ALK: variants seen among roughly 807,000 people sequenced by gnomAD.
The protein encoded by ALK is ALK tyrosine kinase receptor.
A neutral mutation model predicts 163.1 loss-of-function variants in ALK; 74 were observed. That is an observed-to-expected ratio of 0.45 (90% CI 0.38 to 0.55). ALK has a LOEUF of 0.55. Among genes scored for constraint, ALK ranks in the 20% least tolerant of loss-of-function variants. ALK has a pLI of 0.00. For missense variants in ALK, 2,063 were observed against 2,105.3 expected (o/e 0.98, Z 0.39); for synonymous variants, 960 against 843.2 (o/e 1.14, Z -2.40).
intron 4 of ALK, among the ~76,000 whole-genome samples, chr2:29,480,948 G>A (rs954938143): frequency 3.9e-5 from 6 of 152,160 alleles, no homozygotes; most frequent in African/African-American, 1.2e-4. Flanking sequence ...AGGCAATGCC[G>A]AGGTTGCTGG....
chr2:29,601,039 T>C (rs182532706), intron 3 of ALK, among the ~76,000 whole-genome samples: 70 of 152,328 alleles, frequency 4.6e-4, no homozygotes, highest in Middle Eastern at 3.4e-3. Flanking sequence ...GATTCCTTTC[T>C]GGAAGTCCAA....
intron 4 of ALK, among the ~76,000 whole-genome samples, chr2:29,495,489 G>A (rs1435714519): frequency 6.6e-6 from 1 of 152,064 alleles, no homozygotes; most frequent in East Asian, 1.9e-4. Context: ...GGCTAGTGAT[G>A]GTTACTAGCC....
At chr2:29,867,081 C>T (rs1452282819) in intron 1 of ALK, among the ~76,000 whole-genome samples, 1 of 152,158 alleles carries the variant, frequency 6.6e-6, no homozygotes, top group African/African-American at 2.4e-5. Flanking sequence ...AATATATTTA[C>T]ATAAAGAAAG....
chr2:29,901,013 GC>G (rs1317459808), intron 1 of ALK, among the ~76,000 whole-genome samples: 3 of 149,360 alleles, frequency 2.0e-5, no homozygotes, highest in African/African-American at 7.7e-5. Flanking sequence ...AAGCAAGCAA[GC>G]AAGCAAGCAA....
rs563126725 is a variant in ALK, at chr2:29,193,493, T to A, written c.4594A>T (p.Asn1532Tyr). ...IAKKEPHDRG[N>Y]LGLEGSCTVP... ...GTACAGCTTCCCTCCAGCCCCAGGT[T>A]ACCCCTGTCGTGTGGCTCCTTCTTT... Residue 1532 changes from asparagine to tyrosine, a missense_variant, in exon 29 of 29, where the codon AAC becomes TAC. By Grantham distance (143) the Asn-to-Tyr change is moderately radical. This residue lies in a region of ALK where 403 missense variants were observed against 366.2 expected (regional missense o/e 1.10). Transcript: ENST00000389048. 3 of 1,614,156 alleles carry A rather than the reference T, an allele frequency of 1.9e-6. No individual in the cohort carries two copies. Among genetic ancestry groups the A allele is most frequent in the Non-Finnish European group, 2.5e-6 (3 of 1,180,016 alleles).
chr2:29,579,647 C>A (rs1350434817), intron 3 of ALK, among the ~76,000 whole-genome samples: 1 of 152,142 alleles, frequency 6.6e-6, no homozygotes, highest in Non-Finnish European at 1.5e-5. Flanking sequence ...CATCCTGAGG[C>A]TTCTCCAAGA....
At chr2:29,769,904 T>A (rs1037225479) in intron 1 of ALK, among the ~76,000 whole-genome samples, 3 of 152,152 alleles carry the variant, frequency 2.0e-5, no homozygotes, top group Non-Finnish European at 2.9e-5. Flanking sequence ...CAACTGATAG[T>A]GTGGAGGCCT....
intron 3 of ALK, among the ~76,000 whole-genome samples, chr2:29,602,084 C>G (rs1675394177): frequency 6.6e-6 from 1 of 152,166 alleles, no homozygotes; most frequent in Non-Finnish European, 1.5e-5. Context: ...TGTGGCACTA[C>G]TGAGGCAACG....
intron 28 of ALK, among the ~76,000 whole-genome samples, chr2:29,194,609 C>T (rs532311559): frequency 7.3e-4 from 111 of 152,162 alleles, no homozygotes; most frequent in African/African-American, 2.5e-3. Context: ...AAGCCATTCT[C>T]GTGCCTCAGC....
At chr2:29,381,020 C>T (rs1283737052) in intron 5 of ALK, among the ~76,000 whole-genome samples, 5 of 152,184 alleles carry the variant, frequency 3.3e-5, no homozygotes, top group African/African-American at 1.2e-4. Flanking sequence ...AAAGATGATG[C>T]TAAGGTTTTC....
At chr2:29,239,612 G>A in intron 13 of ALK, 68 bp downstream of exon 13, 1 of 1,583,332 alleles carries the variant, frequency 6.3e-7, no homozygotes, top group Non-Finnish European at 8.6e-7. Context: ...TTGAGTGTTG[G>A]TGCCTCCAAG....
intron 3 of ALK, among the ~76,000 whole-genome samples, chr2:29,536,547 C>G (rs892727623): frequency 6.6e-6 from 1 of 152,132 alleles, no homozygotes; most frequent in African/African-American, 2.4e-5. Flanking sequence ...TTAGGTATTC[C>G]TTTACAGTGA....
intron 11 of ALK, among the ~76,000 whole-genome samples, chr2:29,253,892 A>ATAGATAGATAGG (rs1262710012): frequency 7.4e-6 from 1 of 135,628 alleles, no homozygotes; most frequent in African/African-American, 3.3e-5. Context: ...AGATAGATAG[A>ATAGATAGATAGG]TAGGTAGATA....
chr2:29,404,014 G>A (rs1235711313), intron 4 of ALK, among the ~76,000 whole-genome samples: 1 of 152,020 alleles, frequency 6.6e-6, no homozygotes, highest in Non-Finnish European at 1.5e-5. Context: ...TCTATAAAAG[G>A]AGTTGTAGGC....
intron 1 of ALK, among the ~76,000 whole-genome samples, chr2:29,864,355 C>A (rs1269617083): frequency 6.6e-6 from 1 of 152,246 alleles, no homozygotes; most frequent in Non-Finnish European, 1.5e-5. Context: ...TTCCTCCTCT[C>A]TTTTGAGTCT....
chr2:29,450,654 G>A (rs189100667), intron 4 of ALK, among the ~76,000 whole-genome samples: 102 of 152,302 alleles, frequency 6.7e-4, no homozygotes, highest in Non-Finnish European at 1.2e-3. Context: ...GAAAAAATAT[G>A]TTACAGTTCT....
intron 1 of ALK, among the ~76,000 whole-genome samples, chr2:29,850,073 AATGCCCATTGAC>A (rs1224283464): frequency 8.5e-5 from 13 of 152,204 alleles, no homozygotes; most frequent in Admixed American, 8.5e-4. Flanking sequence ...AAACTACCAA[AATGCCCATTGAC>A]AGTAGAACAA....
chr2:29,536,290 C>A (rs1465194766), intron 3 of ALK, among the ~76,000 whole-genome samples: 1 of 150,150 alleles, frequency 6.7e-6, no homozygotes, highest in Admixed American at 6.6e-5. Flanking sequence ...TTAGCTCCAT[C>A]CCCTTGGTAT....
At chr2:29,372,186 C>A (rs931534681) in intron 5 of ALK, among the ~76,000 whole-genome samples, 1 of 152,134 alleles carries the variant, frequency 6.6e-6, no homozygotes, top group African/African-American at 2.4e-5. Flanking sequence ...TGAGTGCTGG[C>A]CCCACTTTAC....
Sources: gnomAD v4.1 joint callset for allele counts (sites outside exome capture counted in the v4.1 genomes callset) on GRCh38, gnomAD v4.1.1 for gene constraint, gnomAD v4.1.1 regional missense constraint, MANE v1.5 for transcripts, NCBI Gene and HGNC (gene_info 2026-07-23, HGNC 2026-07-21) for gene names.